The following SFMBT1 variants were observed in gnomAD, a reference collection of about 807,000 sequenced individuals.
SFMBT1 encodes scm-like with four MBT domains protein 1.
A neutral mutation model predicts 108.7 loss-of-function variants in SFMBT1; 32 were observed. The ratio of observed to expected loss-of-function variants is 0.29; its 90% confidence interval spans 0.22 to 0.40. The LOEUF is 0.40. Among genes scored for constraint, SFMBT1 ranks in the 10% least tolerant of loss-of-function variants. SFMBT1 has a pLI of 1.00. For synonymous variants in SFMBT1, 348 were observed against 369.5 expected (o/e 0.94, Z 0.67); for missense variants, 816 against 1,059.6 (o/e 0.77, Z 3.19).
chr3:52,920,687 AAACC>A (rs761843179), intron 11 of SFMBT1, 37 bp from the exon 12 acceptor site: 33 of 1,355,932 alleles, frequency 2.4e-5, no homozygotes, highest in Middle Eastern at 1.8e-4. Context: ...ACAAACAAAC[AAACC>A]TTTTTTTAGA....
At chr3:52,919,147 C>T (rs1252392046) in intron 12 of SFMBT1, among the ~76,000 whole-genome samples, 1 of 152,162 alleles carries the variant, frequency 6.6e-6, no homozygotes, top group Non-Finnish European at 1.5e-5. Context: ...ATATATAAAA[C>T]TTAACCCAAA....
chr3:53,002,759 C>T (rs113446298), intron 1 of SFMBT1, among the ~76,000 whole-genome samples: 1 of 150,286 alleles, frequency 6.7e-6, no homozygotes, highest in Non-Finnish European at 1.5e-5. Context: ...TCAAAACAGC[C>T]TCCTCTTTCT....
In SFMBT1 at chr3:52,932,055, T is replaced by G. The variant is rs758730980; in HGVS notation, c.700+7A>C. ...TCACAGAAGAAAAATGTCCTATTAC[T>G]CTTCACCTGAAGGGGGCTGAAGCTC... On this transcript the variant is annotated splice_region_variant and intron_variant, in intron 6 of 20. Coordinates refer to ENST00000394752, the MANE Select transcript of SFMBT1 (RefSeq NM_016329.4). The G allele has an allele frequency of 1.9e-6, 3 of 1,612,814 alleles. No individual in the cohort carries two copies. The highest frequency in any genetic ancestry group is 2.2e-5 in the South Asian group (2 of 90,992).
chr3:53,012,293 G>C (rs553217036), intron 1 of SFMBT1, among the ~76,000 whole-genome samples: 8 of 152,340 alleles, frequency 5.3e-5, no homozygotes, highest in African/African-American at 1.9e-4. Context: ...GAGAAGGACA[G>C]ATACAAACTG....
At chr3:52,959,248 T>A (rs143834631) in intron 2 of SFMBT1, among the ~76,000 whole-genome samples, 41 of 152,318 alleles carry the variant, frequency 2.7e-4, no homozygotes, top group African/African-American at 9.4e-4. Context: ...GTAACAAACC[T>A]GCACATCCTG....
chr3:52,913,458 G>T lies in SFMBT1; in HGVS notation c.1620+20C>A, dbSNP rs775692195. ...TGCTGTGAAATTTCCAAGTTATTTTGCTCTAGGCCAGAACCTTACCTCTCT... is the reference window on the plus strand; with the variant it reads ...TGCTGTGAAATTTCCAAGTTATTTTTCTCTAGGCCAGAACCTTACCTCTCT... On this transcript the variant is annotated intron_variant, in intron 15 of 20. Transcript: ENST00000394752. 5.6e-6 allele frequency: 9 copies of T among 1,604,260 alleles called. No individual in the cohort carries two copies. Among genetic ancestry groups the T allele is most frequent in the Non-Finnish European group, 7.6e-6 (9 of 1,177,088 alleles).
intron 1 of SFMBT1, among the ~76,000 whole-genome samples, chr3:53,014,480 ACAAAAC>A (rs1430865271): frequency 2.3e-3 from 1 of 442 alleles, no homozygotes; most frequent in Non-Finnish European, 0.024. Context: ...TTTAAAAAAA[ACAAAAC>A]AAAACAAAAC....
At chr3:52,915,055 T>A (rs1336454169) in intron 14 of SFMBT1, among the ~76,000 whole-genome samples, 1 of 152,094 alleles carries the variant, frequency 6.6e-6, no homozygotes, top group Non-Finnish European at 1.5e-5. Context: ...CAACTCTGAG[T>A]GGTTAGATCA....
chr3:52,908,802 C>T (rs1013011375), intron 17 of SFMBT1, among the ~76,000 whole-genome samples: 17 of 151,970 alleles, frequency 1.1e-4, no homozygotes, highest in Non-Finnish European at 2.1e-4. Context: ...AACTCCTGAC[C>T]TCAGGTGATC....
At chr3:53,001,921 T>TCACACACA (rs1491194888) in intron 1 of SFMBT1, among the ~76,000 whole-genome samples, 1 of 64,704 alleles carries the variant, frequency 1.5e-5, no homozygotes, top group African/African-American at 5.5e-5. Context: ...CAAGACCCAG[T>TCACACACA]CTCTCACACA....
intron 3 of SFMBT1, among the ~76,000 whole-genome samples, chr3:52,949,402 G>T (rs1164447486): frequency 1.3e-5 from 2 of 151,984 alleles, no homozygotes; most frequent in Non-Finnish European, 2.9e-5. Context: ...TTCGATAGGA[G>T]GGCGTTGAAT....
At chr3:53,037,368 CA>C (rs1288861431) in intron 1 of SFMBT1, among the ~76,000 whole-genome samples, 1 of 152,192 alleles carries the variant, frequency 6.6e-6, no homozygotes, top group Non-Finnish European at 1.5e-5. Flanking sequence ...TGAATACTTA[CA>C]GGAAAACTGG....
intron 1 of SFMBT1, chr3:53,045,138 G>A (rs1357726853): frequency 2.0e-5 from 3 of 151,548 alleles, no homozygotes; most frequent in Non-Finnish European, 4.4e-5. Flanking sequence ...GGGTCGGCGC[G>A]GGGTCCAGCG....
intron 1 of SFMBT1, among the ~76,000 whole-genome samples, chr3:53,037,982 G>A (rs1289273436): frequency 6.6e-6 from 1 of 152,050 alleles, no homozygotes; most frequent in African/African-American, 2.4e-5. Context: ...ATGGTGGCAG[G>A]CACCTGTAAT....
At chr3:53,003,683 G>A (rs1326591144) in intron 1 of SFMBT1, among the ~76,000 whole-genome samples, 1 of 147,196 alleles carries the variant, frequency 6.8e-6, no homozygotes, top group Non-Finnish European at 1.5e-5. Flanking sequence ...AGCACACAGT[G>A]ACTGACAGCA....
chr3:52,995,591 T>C (rs1034107556), intron 1 of SFMBT1, among the ~76,000 whole-genome samples: 3 of 149,736 alleles, frequency 2.0e-5, no homozygotes, highest in African/African-American at 7.3e-5. Context: ...GTGGTCGAAG[T>C]GGTCTCACTA....
At chr3:53,045,044 T>C (rs1700174600) in intron 1 of SFMBT1, 1 of 152,128 alleles carries the variant, frequency 6.6e-6, no homozygotes, top group Admixed American at 6.5e-5. Flanking sequence ...CTCCACAGCC[T>C]CCTTTTCAGC....
intron 4 of SFMBT1, among the ~76,000 whole-genome samples, chr3:52,936,114 G>T (rs1283055619): frequency 6.6e-6 from 1 of 152,166 alleles, no homozygotes; most frequent in Admixed American, 6.5e-5. Flanking sequence ...CATATGGTCT[G>T]GCTGTCTCTC....
intron 3 of SFMBT1, among the ~76,000 whole-genome samples, chr3:52,948,851 A>T (rs1703472472): frequency 1.3e-4 from 2 of 15,414 alleles, no homozygotes; most frequent in Admixed American, 4.2e-4. Context: ...TTTTTTGTAG[A>T]AAAGGTCTCA....
Sources: allele counts gnomAD v4.1 joint callset (sites outside exome capture counted in the v4.1 genomes callset), GRCh38; gene constraint gnomAD v4.1.1; transcripts MANE v1.5; gene names NCBI Gene and HGNC (gene_info 2026-07-23, HGNC 2026-07-21).